Variants in ITGAD observed in about 807,000 individuals in gnomAD.
The protein encoded by ITGAD is integrin subunit alpha D, also known as integrin alpha-D.
In ITGAD, 105 loss-of-function variants were observed where a neutral mutation model predicts 139.0. That is an observed-to-expected ratio of 0.76 (90% CI 0.65 to 0.89). ITGAD has a LOEUF of 0.89. Ranked by LOEUF, ITGAD falls within the 40% of genes least tolerant of loss-of-function variation. The probability of loss-of-function intolerance (pLI) is 0.00; values close to 1 mark genes in which losing one functional copy is unlikely to be tolerated. For synonymous variants in ITGAD, 569 were observed against 598.3 expected, an observed-to-expected ratio of 0.95 and a Z score of 0.71; for missense variants, 1,384 against 1,487.3, an observed-to-expected ratio of 0.93 and a Z score of 1.14.
chr16:31,417,029 T>TCCTC (rs1241133313), intron 20 of ITGAD, among the ~76,000 whole-genome samples: 7 of 67,244 alleles, frequency 1.0e-4, no homozygotes, highest in Non-Finnish European at 1.6e-4. Context: ...CTCCCTTACT[T>TCCTC]CCTCCCTCCC....
intron 23 of ITGAD, among the ~76,000 whole-genome samples, chr16:31,422,333 CTG>C (rs2082024403): frequency 5.9e-5 from 9 of 152,182 alleles, no homozygotes; most frequent in African/African-American, 2.2e-4. Context: ...ACCACACAGC[CTG>C]TGTTTGCTGA....
intron 2 of ITGAD, 27 bp from the exon 3 acceptor site, chr16:31,397,332 G>A (rs762671695): frequency 2.0e-6 from 3 of 1,511,334 alleles, no homozygotes; most frequent in Non-Finnish European, 2.7e-6. Context: ...TGTGGCTGCA[G>A]TGACATGGCC....
intron 2 of ITGAD, 128 bp downstream of exon 2, chr16:31,394,469 C>A: frequency 1.7e-6 from 1 of 598,688 alleles, no homozygotes; most frequent in East Asian, 3.0e-5. Flanking sequence ...CCCTTGGCTC[C>A]TTGGAGGCCC....
At position 31,424,533 on chromosome 16, in the gene ITGAD, G is replaced by A; in HGVS notation, c.3328G>A (p.Gly1110Arg). The A allele has an allele frequency of 6.2e-7, 1 of 1,614,026 alleles. No individual in the cohort carries two copies. The highest frequency in any genetic ancestry group is 1.3e-5 in the African/African-American group (1 of 74,988). Residue 1110 changes from glycine to arginine, a missense_variant, in exon 29 of 30, where the codon GGG (glycine) becomes AGG (arginine). Transcript: ENST00000389202. ...TCCCATCATCATGGGCAGCTCTGTGGGGGCTCTGCTACTGCTGGCGCTCAT... is the reference window on the plus strand; with the variant it reads ...TCCCATCATCATGGGCAGCTCTGTGAGGGCTCTGCTACTGCTGGCGCTCAT... ...AIPIIMGSSV[G>R]ALLLLALITA...
In ITGAD at chr16:31,424,532, G is replaced by T; in HGVS notation, c.3327G>T (p.Val1109=). The T allele has an allele frequency of 6.2e-7, 1 of 1,613,988 alleles. No individual in the cohort carries two copies. The highest frequency in any genetic ancestry group is 8.5e-7 in the Non-Finnish European group (1 of 1,179,914). ...NAIPIIMGSS[V]GALLLLALIT... is the part of the protein sequence containing the mutation. ...TTCCCATCATCATGGGCAGCTCTGTGGGGGCTCTGCTACTGCTGGCGCTCA... is the reference window on the plus strand; with the variant it reads ...TTCCCATCATCATGGGCAGCTCTGTTGGGGCTCTGCTACTGCTGGCGCTCA... The change falls in exon 29 of 30, where the codon GTG becomes GTT. Residue 1109 remains valine, a synonymous_variant. Transcript: ENST00000389202.
In ITGAD at chr16:31,423,353, T is replaced by G; in HGVS notation, c.2861T>G (p.Val954Gly). Residue 954 changes from valine to glycine, a missense_variant and splice_region_variant, in exon 25 of 30, where the codon GTG becomes GGG. Physicochemically the swap from Val to Gly is moderately radical, Grantham distance 109 (BLOSUM62 -3). Coordinates refer to ENST00000389202, the MANE Select transcript of ITGAD (RefSeq NM_005353.3). ...ACACTCTGCCTTGATTTCCTGCAGG[T>G]GAATAACCTCAGCCAGCGAGATCTG... ...KMKEAEHRYR[V>G]NNLSQRDLAI... is the part of the protein sequence containing the mutation. 6.2e-7 allele frequency: 1 copy of G among 1,613,646 alleles called. No homozygotes were observed. The highest frequency in any genetic ancestry group is 8.5e-7 in the Non-Finnish European group (1 of 1,179,676).
intron 7 of ITGAD, among the ~76,000 whole-genome samples, chr16:31,407,108 C>T (rs1247254379): frequency 1.3e-5 from 2 of 152,208 alleles, no homozygotes; most frequent in Non-Finnish European, 2.9e-5. Context: ...AATCCCAGCA[C>T]TTTGGGAGGC....
Position 31,403,394 on chromosome 16 carries a change from A to C in ITGAD, c.559-106A>C. On this transcript the variant is annotated intron_variant, in intron 6 of 29. Coordinates refer to ENST00000389202, the MANE Select transcript of ITGAD (RefSeq NM_005353.3). This position sits in a 1 kb window ranked among gnomAD's most constrained non-coding sequence, Gnocchi z 4.4. ...GCTACTTGGAGGCTGAGGCAGGAGG[A>C]TCACTTGAGGCCAGGAGTTTGAGAG... The C allele has an allele frequency of 7.6e-7, 1 of 1,314,212 alleles. No homozygotes were observed. Among genetic ancestry groups the C allele is most frequent in the Middle Eastern group, 1.9e-4 (1 of 5,178 alleles). The allele number at this position is 1,314,212 out of a possible 1,614,324, so 81.4% of individuals were successfully genotyped here. A position where few individuals can be genotyped will look rare whatever the true frequency, so the allele number is the denominator to read the frequency against.
At chr16:31,423,325 A>G (rs1437864339) in intron 24 of ITGAD, 27 bp from the exon 25 acceptor site, 11 of 1,608,146 alleles carry the variant, frequency 6.8e-6, no homozygotes, top group East Asian at 4.5e-5. Context: ...AGAGACCACA[A>G]TAACACTCTG....
At chr16:31,415,063 A>G in intron 18 of ITGAD, 72 bp downstream of exon 18, 1 of 1,567,510 alleles carries the variant, frequency 6.4e-7, no homozygotes, top group Non-Finnish European at 8.7e-7. Flanking sequence ...AATCCACTGT[A>G]GCTCCCCAAC....
rs773428600 is a variant in ITGAD at position 31,407,955 on chromosome 16, C to T, written c.1009+39C>T. ...AGGGTGCGCCTGGGAGCCAAGGGGT[C>T]CCCACCCAATTGTCCCGTGCAGGCT... On this transcript the variant is annotated intron_variant, in intron 9 of 29. Coordinates refer to ENST00000389202, the MANE Select transcript of ITGAD (RefSeq NM_005353.3). 1.6e-5 allele frequency: 24 copies of T among 1,535,250 alleles called. No individual in the cohort carries two copies. The South Asian group carries it at 2.9e-4, about 18-fold the overall frequency.
At chr16:31,400,518 G>A (rs943247531) in intron 5 of ITGAD, among the ~76,000 whole-genome samples, 2 of 152,200 alleles carry the variant, frequency 1.3e-5, no homozygotes, top group African/African-American at 4.8e-5. Flanking sequence ...TGAGCCTGGG[G>A]ACAGCATGAA....
rs1242065869 is a variant in ITGAD at position 31,403,844 on chromosome 16, C to T, written c.704+199C>T. The T allele has an allele frequency of 4.9e-6, 3 of 610,020 alleles. No homozygotes were observed. The highest frequency in any genetic ancestry group is 8.5e-6 in the Non-Finnish European group (3 of 351,566). 37.8% of individuals were successfully genotyped at this position (610,020 alleles called of 1,614,324 possible). On this transcript the variant is annotated intron_variant, in intron 7 of 29. Coordinates refer to ENST00000389202, the MANE Select transcript of ITGAD (RefSeq NM_005353.3). The surrounding 1 kb of genome is among the most constrained non-coding windows in gnomAD (Gnocchi z 4.4). ...CCAGTCTCCCTGATATAGGACTAGGCTCCTCTGCAGCTATGCCTCCCCTTT... is the reference window on the plus strand; with the variant it reads ...CCAGTCTCCCTGATATAGGACTAGGTTCCTCTGCAGCTATGCCTCCCCTTT...
At chr16:31,402,831 T>C (rs1048345311) in intron 6 of ITGAD, 2 of 152,216 alleles carry the variant, frequency 1.3e-5, no homozygotes, top group African/African-American at 4.8e-5. Context: ...GGTCTCCAAC[T>C]CCTGGCTCAA....
chr16:31,400,237 T>C (rs1297559409), intron 5 of ITGAD, among the ~76,000 whole-genome samples: 2 of 152,168 alleles, frequency 1.3e-5, no homozygotes, highest in East Asian at 3.8e-4. Flanking sequence ...TTGCTGGTGA[T>C]TGAAGAAGCA....
In ITGAD at chr16:31,417,252, ATTTT is replaced by A. The variant is rs1215444001; in HGVS notation, c.2499+609_2499+612del. 8.9e-4 allele frequency among the ~76,000 whole-genome samples: 131 copies of A among 146,456 alleles called. 1 individual carries two copies. The highest frequency in any genetic ancestry group is 2.6e-3 in the African/African-American group (102 of 39,218). On this transcript the variant is annotated intron_variant, in intron 20 of 29. Transcript: ENST00000389202. ...TATTTATTTATTTATTTATTTATTT[ATTTT>A]TTAGAGACAGGGTCTCACCATGCTG...
At position 31,407,508 on chromosome 16, in the gene ITGAD, C is replaced by T; in HGVS notation, c.705-7C>T. On this transcript the variant is annotated splice_region_variant and splice_polypyrimidine_tract_variant and intron_variant, in intron 7 of 29. Coordinates refer to ENST00000389202, the MANE Select transcript of ITGAD (RefSeq NM_005353.3). ...CAGTAGAGTCATCTTCCTTTCCTCC[C>T]CGACAGGACACAGCTATTTCATCAT... 1 of 1,563,818 alleles carries T rather than the reference C, an allele frequency of 6.4e-7. No individual in the cohort carries two copies. Among genetic ancestry groups the T allele is most frequent in the Non-Finnish European group, 8.7e-7 (1 of 1,153,566 alleles).
chr16:31,421,749 G>A (rs1013593913), intron 23 of ITGAD, among the ~76,000 whole-genome samples: 7 of 152,040 alleles, frequency 4.6e-5, no homozygotes, highest in Admixed American at 6.6e-5. Context: ...GACGTGAAGT[G>A]GCTTGCCTCA....
intron 1 of ITGAD, among the ~76,000 whole-genome samples, chr16:31,393,778 C>G (rs575890277): frequency 8.7e-4 from 133 of 152,178 alleles, no homozygotes; most frequent in Non-Finnish European, 1.5e-3. Context: ...GTCCTGACTG[C>G]ACGTAGGGAA....
Sources: allele counts gnomAD v4.1 joint callset (sites outside exome capture counted in the v4.1 genomes callset), GRCh38; gene constraint gnomAD v4.1.1; non-coding constraint Gnocchi (gnomAD v3.1); transcripts MANE v1.5; gene names NCBI Gene and HGNC (gene_info 2026-07-23, HGNC 2026-07-21).